The following DPYD variants were observed in gnomAD, a reference collection of about 807,000 sequenced individuals.
DPYD encodes dihydropyrimidine dehydrogenase [NADP(+)].
In DPYD, 109 loss-of-function variants were observed where a neutral mutation model predicts 116.2. The observed-to-expected ratio is 0.94, with a 90% confidence interval of 0.80 to 1.10. The LOEUF (loss-of-function observed/expected upper bound fraction) is 1.10, where lower values mean the gene tolerates loss of function less well. DPYD is among the 50% of genes least tolerant of loss of function. DPYD has a pLI of 0.00. For missense variants in DPYD, 1,302 were observed against 1,254.5 expected, an observed-to-expected ratio of 1.04 and a Z score of -0.57; for synonymous variants, 440 against 432.0, an observed-to-expected ratio of 1.02 and a Z score of -0.23.
chr1:97,462,262 G>A (rs1313986658), intron 13 of DPYD, among the ~76,000 whole-genome samples: 1 of 152,082 alleles, frequency 6.6e-6, no homozygotes, highest in Admixed American at 6.5e-5. Context: ...GAAAGCAAAT[G>A]GATTTGTTAG....
chr1:97,686,594 G>A (rs1332414861), intron 7 of DPYD, among the ~76,000 whole-genome samples: 5 of 119,846 alleles, frequency 4.2e-5, no homozygotes, highest in East Asian at 5.0e-4. Flanking sequence ...CCGAGATCGC[G>A]CCACTGCACT....
At chr1:97,194,367 C>A (rs1378575737) in intron 19 of DPYD, among the ~76,000 whole-genome samples, 2 of 152,100 alleles carry the variant, frequency 1.3e-5, no homozygotes, top group Non-Finnish European at 2.9e-5. Flanking sequence ...TTCCTACCAC[C>A]ATGTGATGAA....
rs1655972355 is a variant in DPYD at position 97,611,856 on chromosome 1, A to T, written c.851-16690T>A. 2.0e-5 allele frequency among the ~76,000 whole-genome samples: 3 copies of T among 152,206 alleles called. No individual in the cohort carries two copies. In the South Asian group the frequency reaches 6.2e-4, roughly 32 times the overall value. On this transcript the variant is annotated intron_variant, in intron 8 of 22. Transcript: ENST00000370192. The stretch of plus-strand genomic sequence containing the variant: ...CCTAGAAGTAGTGCTCGTGGTACTT[A>T]ATAGTTACTACACAGGTGTTAGTTG...
At chr1:97,760,068 T>C (rs1023809909) in intron 3 of DPYD, among the ~76,000 whole-genome samples, 2 of 152,074 alleles carry the variant, frequency 1.3e-5, no homozygotes, top group Admixed American at 6.6e-5. Flanking sequence ...AGGAGGTGTT[T>C]TGGTGGAAGA....
At position 97,450,156 on chromosome 1, in the gene DPYD, C is replaced by T. The variant is rs371258350; in HGVS notation, c.1808G>A (p.Gly603Glu). 1.9e-6 allele frequency: 3 copies of T among 1,613,898 alleles called. No individual in the cohort carries two copies. The highest frequency in any genetic ancestry group is 2.5e-6 in the Non-Finnish European group (3 of 1,179,888). ...CTCAATATTCAGAAAGGAGCTTTGTCCAGGGCCATACATGGGGCCAGAGGT... is the reference window on the plus strand; with the variant it reads ...CTCAATATTCAGAAAGGAGCTTTGTTCAGGGCCATACATGGGGCCAGAGGT... Reference protein sequence around the residue: ...GTTSGPMYGPGQSSFLNIELI... With the variant: ...GTTSGPMYGPEQSSFLNIELI... Residue 603 changes from glycine to glutamate, a missense_variant, in exon 14 of 23, where the codon GGA (glycine) becomes GAA (glutamate). Gly to Glu is a moderately conservative substitution (Grantham distance 98). Coordinates refer to ENST00000370192, the MANE Select transcript of DPYD (RefSeq NM_000110.4).
chr1:97,165,461 T>C (rs369056133), intron 20 of DPYD, among the ~76,000 whole-genome samples: 2 of 151,998 alleles, frequency 1.3e-5, no homozygotes, highest in East Asian at 1.9e-4. Flanking sequence ...TAAAACTCTA[T>C]AAAAACGCTG....
intron 7 of DPYD, among the ~76,000 whole-genome samples, chr1:97,686,201 C>G (rs2100934978): frequency 6.6e-6 from 1 of 152,222 alleles, no homozygotes; most frequent in African/African-American, 2.4e-5. Flanking sequence ...TGGTCTTTGA[C>G]AAACCTGACA....
intron 3 of DPYD, chr1:97,774,535 T>A (rs1256705068): frequency 6.6e-6 from 1 of 152,276 alleles, no homozygotes; most frequent in Non-Finnish European, 1.5e-5. Context: ...AGCCTCTACC[T>A]AAAAAGCCAC....
intron 2 of DPYD, among the ~76,000 whole-genome samples, chr1:97,847,117 G>A (rs192644878): frequency 1.2e-4 from 18 of 152,190 alleles, no homozygotes; most frequent in Non-Finnish European, 2.5e-4. Flanking sequence ...ATTTAGAACT[G>A]GACTATGTGA....
intron 16 of DPYD, among the ~76,000 whole-genome samples, chr1:97,335,735 C>T (rs1570548599): frequency 6.6e-6 from 1 of 152,170 alleles, no homozygotes; most frequent in African/African-American, 2.4e-5. Context: ...CTCTAAATTT[C>T]TTGCATTTTA....
At chr1:97,198,787 A>C (rs1014454936) in intron 19 of DPYD, among the ~76,000 whole-genome samples, 1 of 152,182 alleles carries the variant, frequency 6.6e-6, no homozygotes, top group African/African-American at 2.4e-5. Flanking sequence ...TGCCATTATA[A>C]GGATCGTTGC....
At chr1:97,486,944 G>A (rs1678672894) in intron 13 of DPYD, among the ~76,000 whole-genome samples, 2 of 151,736 alleles carry the variant, frequency 1.3e-5, no homozygotes, top group South Asian at 4.2e-4. Flanking sequence ...ATTAATTAAT[G>A]AGTAAAAAAA....
At chr1:97,880,254 A>T (rs2101635291) in intron 2 of DPYD, among the ~76,000 whole-genome samples, 1 of 151,938 alleles carries the variant, frequency 6.6e-6, no homozygotes, top group African/African-American at 2.4e-5. Context: ...GAAGTGAAGA[A>T]AAACAAGAAG....
At chr1:97,546,040 T>C in intron 12 of DPYD, 1 of 1,378,282 alleles carries the variant, frequency 7.3e-7, no homozygotes, top group Non-Finnish European at 1.0e-6. Flanking sequence ...TCACAGGTGT[T>C]AGATGATGAA....
intron 5 of DPYD, chr1:97,720,577 G>A: frequency 9.3e-7 from 1 of 1,074,032 alleles, no homozygotes; most frequent in South Asian, 4.2e-5. Flanking sequence ...AAAGCAGGAA[G>A]GGAATAACCC....
chr1:97,678,961 C>A, intron 8 of DPYD, 134 bp downstream of exon 8: 1 of 422,384 alleles, frequency 2.4e-6, no homozygotes, highest in Admixed American at 4.1e-5. Context: ...CTTGGCCAAT[C>A]ATTTCTATCT....
At chr1:97,682,376 A>G (rs183777335) in intron 7 of DPYD, among the ~76,000 whole-genome samples, 1 of 151,926 alleles carries the variant, frequency 6.6e-6, no homozygotes, top group South Asian at 2.1e-4. Context: ...GGACAAAGCC[A>G]TAACAAGAAC....
At position 97,078,059 on chromosome 1, in the gene DPYD, C is replaced by A. The variant is rs1271157198; in HGVS notation, c.*917G>T. On this transcript the variant is annotated 3_prime_UTR_variant, in exon 23 of 23. Transcript: ENST00000370192. ...AACACTAAAACAGAGAGTAGTCAAA[C>A]TGATTTGGCACACTTAATATATATT... 2.0e-5 allele frequency: 3 copies of A among 152,036 alleles called. No individual in the cohort carries two copies. The highest frequency in any genetic ancestry group is 2.9e-5 in the Non-Finnish European group (2 of 67,984). 9.4% of individuals were successfully genotyped at this position (152,036 alleles called of 1,614,324 possible). A position where few individuals can be genotyped will look rare whatever the true frequency, so the allele number is the denominator to read the frequency against.
At chr1:97,232,719 T>A (rs1267773247) in intron 19 of DPYD, among the ~76,000 whole-genome samples, 2 of 152,186 alleles carry the variant, frequency 1.3e-5, no homozygotes, top group Admixed American at 1.3e-4. Context: ...GAGTTTTATA[T>A]TTAAGTGATT....
Sources: gnomAD v4.1 joint callset for allele counts (sites outside exome capture counted in the v4.1 genomes callset) on GRCh38, gnomAD v4.1.1 for gene constraint, MANE v1.5 for transcripts, NCBI Gene and HGNC (gene_info 2026-07-23, HGNC 2026-07-21) for gene names.